Variants in SNTG2 observed in about 807,000 individuals in gnomAD.
SNTG2 encodes the protein syntrophin gamma 2.
Under a neutral mutation model 70.9 loss-of-function variants are expected in SNTG2, and 74 were observed. That is an observed-to-expected ratio of 1.04 (90% CI 0.86 to 1.27). The LOEUF is 1.27. Ranked by LOEUF, SNTG2 falls within the 50% of genes most tolerant of loss-of-function variation. The pLI, the probability that SNTG2 is intolerant of heterozygous loss-of-function variation, is 0.00. For synonymous variants in SNTG2, 278 were observed against 273.8 expected, an observed-to-expected ratio of 1.02 and a Z score of -0.15; for missense variants, 717 against 690.7, an observed-to-expected ratio of 1.04 and a Z score of -0.43.
At position 1,247,258 on chromosome 2, in the gene SNTG2, T is replaced by G. The variant is rs892939481; in HGVS notation, c.889-69T>G. Reference sequence around the variant, plus strand: ...CTGATGGGATCATGGCTTGCTCATGTGCTTAACTCTGCTGCTGTGACAGTA... The same window carrying G: ...CTGATGGGATCATGGCTTGCTCATGGGCTTAACTCTGCTGCTGTGACAGTA... On this transcript the variant is annotated intron_variant, in intron 11 of 16. Transcript: ENST00000308624. 20 of 939,926 alleles carry G rather than the reference T, an allele frequency of 2.1e-5. No homozygotes were observed. In the African/African-American group the frequency reaches 2.6e-4, roughly 12 times the overall value. The allele number at this position is 939,926 out of a possible 1,614,324, so 58.2% of individuals were successfully genotyped here. A position where few individuals can be genotyped will look rare whatever the true frequency, so the allele number is the denominator to read the frequency against.
At position 1,204,639 on chromosome 2, in the gene SNTG2, A is replaced by G. The variant is rs61336811; in HGVS notation, c.592-4464A>G. On this transcript the variant is annotated intron_variant, in intron 8 of 16. Coordinates refer to ENST00000308624, the MANE Select transcript of SNTG2 (RefSeq NM_018968.4). The stretch of plus-strand genomic sequence containing the variant: ...AAGGAGACGGAGGAGTACAGTAAAT[A>G]AGCTCTTTATAGAGAGACCACATTC... Among the ~76,000 whole-genome samples, 84 of 152,346 alleles carry G rather than the reference A, an allele frequency of 5.5e-4. No homozygotes were observed. In the East Asian group the frequency reaches 0.014, roughly 26 times the overall value.
intron 4 of SNTG2, among the ~76,000 whole-genome samples, chr2:1,132,651 G>T (rs1246710605): frequency 6.6e-6 from 1 of 152,176 alleles, no homozygotes; most frequent in Non-Finnish European, 1.5e-5. Context: ...GGAGTTGCGG[G>T]GTTGGCTGCA....
At chr2:1,202,322 A>G (rs1187038567) in intron 8 of SNTG2, among the ~76,000 whole-genome samples, 1 of 108,952 alleles carries the variant, frequency 9.2e-6, no homozygotes. Context: ...TGAGGTTTTT[A>G]TATTTGTGAA....
At chr2:1,111,477 G>A (rs1436937195) in intron 4 of SNTG2, among the ~76,000 whole-genome samples, 1 of 152,186 alleles carries the variant, frequency 6.6e-6, no homozygotes, top group African/African-American at 2.4e-5. Flanking sequence ...GCTTTAGAAA[G>A]TGCCTGAAGA....
chr2:1,239,674 C>T, intron 10 of SNTG2, 64 bp from the exon 11 acceptor site: 3 of 1,568,596 alleles, frequency 1.9e-6, no homozygotes, highest in Admixed American at 1.7e-5. Context: ...TTCCAGCTGT[C>T]ACTCAGGTGA....
At chr2:1,069,517 G>A (rs1049187042) in intron 1 of SNTG2, among the ~76,000 whole-genome samples, 1 of 151,760 alleles carries the variant, frequency 6.6e-6, no homozygotes, top group Non-Finnish European at 1.5e-5. Flanking sequence ...AACAGGCTGG[G>A]CGCAGTGGCT....
intron 2 of SNTG2, among the ~76,000 whole-genome samples, chr2:1,088,280 C>T (rs1664804187): frequency 6.6e-6 from 1 of 152,160 alleles, no homozygotes; most frequent in South Asian, 2.1e-4. Flanking sequence ...TTCCATTTTT[C>T]TCAGATCCCA....
At chr2:1,196,540 A>T (rs1250179546) in intron 8 of SNTG2, among the ~76,000 whole-genome samples, 3 of 152,314 alleles carry the variant, frequency 2.0e-5, no homozygotes. Context: ...CACCAAACAG[A>T]ATCAACCCAA....
At chr2:1,150,544 A>C (rs530707374) in intron 6 of SNTG2, among the ~76,000 whole-genome samples, 266 of 152,186 alleles carry the variant, frequency 1.7e-3, no homozygotes, top group African/African-American at 6.2e-3. Flanking sequence ...AGGAGGACAG[A>C]GCAGGATGGG....
chr2:1,076,102 A>G (rs1051709266), intron 1 of SNTG2, among the ~76,000 whole-genome samples: 15 of 152,342 alleles, frequency 9.8e-5, no homozygotes, highest in African/African-American at 3.4e-4. Flanking sequence ...TGGTCACGCA[A>G]AAATCTTCAA....
intron 1 of SNTG2, among the ~76,000 whole-genome samples, chr2:1,016,129 A>C (rs1332591260): frequency 1.3e-5 from 2 of 152,342 alleles, no homozygotes; most frequent in Non-Finnish European, 2.9e-5. Context: ...TGAGAAAGGC[A>C]GTTATAGAGC....
At chr2:1,261,217 A>C (rs1262655375) in intron 13 of SNTG2, among the ~76,000 whole-genome samples, 3 of 152,240 alleles carry the variant, frequency 2.0e-5, no homozygotes, top group African/African-American at 4.8e-5. Flanking sequence ...GACTGCTTTT[A>C]CACGCATTTA....
At chr2:1,119,919 A>T (rs1667276095) in intron 4 of SNTG2, among the ~76,000 whole-genome samples, 1 of 152,128 alleles carries the variant, frequency 6.6e-6, no homozygotes, top group South Asian at 2.1e-4. Context: ...ATAAGAAAAT[A>T]AGAAAATGTC....
At chr2:1,170,623 TCCG>T (rs386642257) in intron 7 of SNTG2, among the ~76,000 whole-genome samples, 48,209 of 151,816 alleles carry the variant, frequency 0.32, 8,186 homozygotes, top group East Asian at 0.65. Flanking sequence ...AGTTTCAGAG[TCCG>T]CCCCCAATGT....
At position 1,117,014 on chromosome 2, in the gene SNTG2, T is replaced by G. The variant is rs796746291; in HGVS notation, c.325+18604T>G. 1.8e-4 allele frequency among the ~76,000 whole-genome samples: 25 copies of G among 142,460 alleles called. 1 individual carries two copies. The highest frequency in any genetic ancestry group is 6.9e-4 in the African/African-American group (25 of 36,208). The allele number at this position is 142,460 out of a possible 152,430, so 93.5% of individuals were successfully genotyped here. ...TCTGGTGTACGAGTGCCCTGGTGTG[T>G]GGGTGCTCTGGTGTGTGAGTGCCCT... On this transcript the variant is annotated intron_variant, in intron 4 of 16. Transcript: ENST00000308624.
chr2:1,259,242 A>G lies in SNTG2; in HGVS notation c.1006-128A>G, dbSNP rs181204219. ...CAGTACGTAAAGTTTAATGTTACCA[A>G]TTTATACTAATGGGGCTTAGGATTT... On this transcript the variant is annotated intron_variant, in intron 12 of 16. Coordinates refer to ENST00000308624, the MANE Select transcript of SNTG2 (RefSeq NM_018968.4). 115 of 755,176 alleles carry G rather than the reference A, an allele frequency of 1.5e-4. No individual in the cohort carries two copies. The African/African-American group carries it at 1.7e-3, about 11-fold the overall frequency. The allele number at this position is 755,176 out of a possible 1,614,324, so 46.8% of individuals were successfully genotyped here. A position where few individuals can be genotyped will look rare whatever the true frequency, so the allele number is the denominator to read the frequency against.
intron 8 of SNTG2, among the ~76,000 whole-genome samples, chr2:1,200,308 T>C (rs1167984971): frequency 6.6e-6 from 1 of 152,018 alleles, no homozygotes; most frequent in Admixed American, 6.6e-5. Flanking sequence ...GAAAGCTGGA[T>C]ATTCATCTGC....
At position 1,082,078 on chromosome 2, in the gene SNTG2, G is replaced by A. The variant is rs1046004186; in HGVS notation, c.73-1440G>A. Among the ~76,000 whole-genome samples, 53 of 152,166 alleles carry A rather than the reference G, an allele frequency of 3.5e-4. 1 individual carries two copies. The highest frequency in any genetic ancestry group is 3.9e-4 in the Admixed American group (6 of 15,274). On this transcript the variant is annotated intron_variant, in intron 1 of 16. Coordinates refer to ENST00000308624, the MANE Select transcript of SNTG2 (RefSeq NM_018968.4). The stretch of plus-strand genomic sequence containing the variant: ...CTGTGCGTGGGGATCAGCTGAGGAT[G>A]TTGGGAGGAGCAGATTCTGGCTTGG...
At chr2:1,080,016 C>T (rs1446290251) in intron 1 of SNTG2, among the ~76,000 whole-genome samples, 1 of 152,204 alleles carries the variant, frequency 6.6e-6, no homozygotes, top group Non-Finnish European at 1.5e-5. Flanking sequence ...GGTCTCTGCA[C>T]CCTGTTCCGG....
Sources: gnomAD v4.1 joint callset for allele counts (sites outside exome capture counted in the v4.1 genomes callset) on GRCh38, gnomAD v4.1.1 for gene constraint, MANE v1.5 for transcripts, NCBI Gene and HGNC (gene_info 2026-07-23, HGNC 2026-07-21) for gene names.